VLDLR: variants seen among roughly 807,000 people sequenced by gnomAD.
The protein encoded by VLDLR is very low-density lipoprotein receptor.
Under a neutral mutation model 112.7 loss-of-function variants are expected in VLDLR, and 81 were observed. The observed-to-expected ratio is 0.72, with a 90% confidence interval of 0.60 to 0.86. The LOEUF is 0.86. Ranked by LOEUF, VLDLR falls within the 40% of genes least tolerant of loss-of-function variation. The pLI, the probability that VLDLR is intolerant of heterozygous loss-of-function variation, is 0.00. For synonymous variants in VLDLR, 436 were observed against 384.8 expected, an observed-to-expected ratio of 1.13 and a Z score of -1.56; for missense variants, 1,237 against 1,099.4, an observed-to-expected ratio of 1.13 and a Z score of -1.77.
Position 2,643,920 on chromosome 9 carries a change from G to A in VLDLR, c.1027G>A (p.Asp343Asn), listed in dbSNP as rs1272620933. 4 of 1,614,096 alleles carry A rather than the reference G, an allele frequency of 2.5e-6. No individual in the cohort carries two copies. Among genetic ancestry groups the A allele is most frequent in the East Asian group, 2.2e-5 (1 of 44,856 alleles). Residue 343 changes from aspartate to asparagine, a missense_variant, in exon 7 of 19, where the codon GAC (aspartate) becomes AAC (asparagine). Asp to Asn is a conservative substitution (Grantham distance 23, BLOSUM62 1). Coordinates refer to ENST00000382100, the MANE Select transcript of VLDLR (RefSeq NM_003383.5). The part of the protein sequence containing the change: ...DISKVCNQEQ[D>N]CRDWSDEPLK... ...CAGCAAAGTATGTAACCAGGAGCAG[G>A]ACTGCAGGGACTGGAGTGATGAGCC...
chr9:2,635,153 A>T (rs1450317710), intron 1 of VLDLR, among the ~76,000 whole-genome samples: 2 of 152,352 alleles, frequency 1.3e-5, no homozygotes, highest in Non-Finnish European at 2.9e-5. Context: ...CCTCTTAAGG[A>T]CATTTCCCAA....
rs1226139148 is a variant in VLDLR, at chr9:2,643,752, T to G, written c.943+2T>G. On this transcript the variant is annotated splice_donor_variant, in intron 6 of 18. Coordinates refer to ENST00000382100, the MANE Select transcript of VLDLR (RefSeq NM_003383.5). LOFTEE classifies it high-confidence loss of function. ...CCGATGAAGTCAACTGCAAAAATGG[T>G]AAGGGTTTCTTCTTGTTGGTTAAGC... 2 of 1,614,170 alleles carry G rather than the reference T, an allele frequency of 1.2e-6. No individual in the cohort carries two copies.
At position 2,621,809 on chromosome 9, in the gene VLDLR, G is replaced by C. The variant is rs536715395; in HGVS notation, c.-381G>C. 40 of 455,948 alleles carry C rather than the reference G, an allele frequency of 8.8e-5. No homozygotes were observed. The highest frequency in any genetic ancestry group is 8.0e-4 in the African/African-American group (37 of 46,150). The allele number at this position is 455,948 out of a possible 1,614,324, so 28.2% of individuals were successfully genotyped here. A position where few individuals can be genotyped will look rare whatever the true frequency, so the allele number is the denominator to read the frequency against. ...CTCACCCCGCTCTCCGGCCGCCGCC[G>C]GTGCGGGTGCTCCGCTACCGGCTCC... On this transcript the variant is annotated 5_prime_UTR_variant, in exon 1 of 19. Coordinates refer to ENST00000382100, the MANE Select transcript of VLDLR (RefSeq NM_003383.5).
intron 1 of VLDLR, among the ~76,000 whole-genome samples, chr9:2,627,586 C>T (rs1457888989): frequency 2.6e-5 from 4 of 151,952 alleles, no homozygotes; most frequent in South Asian, 2.1e-4. Flanking sequence ...ACAAAGAGGC[C>T]GGGCGCGGTG....
intron 1 of VLDLR, among the ~76,000 whole-genome samples, chr9:2,630,405 T>C (rs924917035): frequency 6.6e-6 from 1 of 152,042 alleles, no homozygotes. Flanking sequence ...GTAACACCCA[T>C]ATGCTCAAGC....
Position 2,654,083 on chromosome 9 carries a change from G to A in VLDLR, c.*215G>A, listed in dbSNP as rs1240891223. ...TACTTCAGCTTTGGATGTGGTTACC[G>A]AGTATCTGTAACCCTTGAATTTCTA... On this transcript the variant is annotated 3_prime_UTR_variant, in exon 19 of 19. Transcript: ENST00000382100. 1.8e-5 allele frequency: 10 copies of A among 557,402 alleles called. No individual in the cohort carries two copies. Among genetic ancestry groups the A allele is most frequent in the East Asian group, 1.3e-4 (4 of 31,450 alleles). The allele number at this position is 557,402 out of a possible 1,614,324, so 34.5% of individuals were successfully genotyped here. A position where few individuals can be genotyped will look rare whatever the true frequency, so the allele number is the denominator to read the frequency against.
chr9:2,638,674 A>T (rs1817701491), intron 2 of VLDLR, among the ~76,000 whole-genome samples: 1 of 152,168 alleles, frequency 6.6e-6, no homozygotes, highest in Non-Finnish European at 1.5e-5. Context: ...TATCTTCCAG[A>T]TATAATTAAA....
At position 2,654,427 on chromosome 9, in the gene VLDLR, C is replaced by CAAACT. The variant is rs1438442071; in HGVS notation, c.*561_*565dup. ...TGGAGGTTTGCAAAGACTGAGTGTT[C>CAAACT]AAACTACTGTACATTTTTTTTCAAG... On this transcript the variant is annotated 3_prime_UTR_variant, in exon 19 of 19. Coordinates refer to ENST00000382100, the MANE Select transcript of VLDLR (RefSeq NM_003383.5). 5.7e-5 allele frequency: 9 copies of CAAACT among 157,806 alleles called. No homozygotes were observed. The highest frequency in any genetic ancestry group is 1.9e-4 in the African/African-American group (8 of 41,406). The allele number at this position is 157,806 out of a possible 1,614,324, so 9.8% of individuals were successfully genotyped here. A position where few individuals can be genotyped will look rare whatever the true frequency, so the allele number is the denominator to read the frequency against.
chr9:2,641,050 C>T (rs1420272920), intron 3 of VLDLR, among the ~76,000 whole-genome samples: 1 of 152,108 alleles, frequency 6.6e-6, no homozygotes, highest in East Asian at 1.9e-4. Context: ...CACTTGACAT[C>T]CAACAGATAA....
rs1283718574 is a variant in VLDLR at position 2,644,716 on chromosome 9, A to G, written c.1067-18A>G. ...ATTGAAAATAAGTTGTCAAGTGACT[A>G]CTACATTTTTATTCCAGATATAAAC... is the stretch of plus-strand genomic sequence containing the variant. On this transcript the variant is annotated intron_variant, in intron 7 of 18. Transcript: ENST00000382100. 1 of 1,614,106 alleles carries G rather than the reference A, an allele frequency of 6.2e-7. No individual in the cohort carries two copies. The highest frequency in any genetic ancestry group is 1.1e-5 in the South Asian group (1 of 91,064).
At chr9:2,630,727 G>A (rs1040438735) in intron 1 of VLDLR, among the ~76,000 whole-genome samples, 3 of 152,146 alleles carry the variant, frequency 2.0e-5, no homozygotes, top group African/African-American at 7.2e-5. Context: ...ACTTCTATAT[G>A]CATTAAAAAC....
chr9:2,628,181 C>G (rs956024024), intron 1 of VLDLR, among the ~76,000 whole-genome samples: 8 of 152,202 alleles, frequency 5.3e-5, no homozygotes, highest in African/African-American at 1.9e-4. Context: ...TAGGGGATCT[C>G]TGTGTCTAAA....
chr9:2,649,204 T>C (rs777600778), intron 14 of VLDLR, among the ~76,000 whole-genome samples: 15 of 152,098 alleles, frequency 9.9e-5, no homozygotes, highest in Non-Finnish European at 2.1e-4. Context: ...AACAGAAATT[T>C]ATTGTCTCAA....
chr9:2,648,401 A>G, intron 13 of VLDLR, 54 bp downstream of exon 13: 1 of 1,612,102 alleles, frequency 6.2e-7, no homozygotes. Context: ...TATCACTTTG[A>G]GAAGAAATAA....
chr9:2,646,255 AT>A (rs747112169), intron 10 of VLDLR, 78 bp from the exon 11 acceptor site: 43 of 1,424,994 alleles, frequency 3.0e-5, no homozygotes, highest in Non-Finnish European at 4.2e-5. Context: ...GTCATTGACC[AT>A]TTTGTAAGCA....
At chr9:2,627,995 T>C (rs1373703744) in intron 1 of VLDLR, among the ~76,000 whole-genome samples, 1 of 152,158 alleles carries the variant, frequency 6.6e-6, no homozygotes, top group Non-Finnish European at 1.5e-5. Context: ...ACACTTGGTT[T>C]CAAGTTCTGA....
chr9:2,644,812 G>A lies in VLDLR; in HGVS notation c.1145G>A (p.Cys382Tyr). 2 of 1,614,228 alleles carry A rather than the reference G, an allele frequency of 1.2e-6. No homozygotes were observed. Among genetic ancestry groups the A allele is most frequent in the East Asian group, 2.2e-5 (1 of 44,888 alleles). ...CTAGTTATAGGCTACGAGTGTGACT[G>A]TGCAGCTGGGTTTGAACTGATAGAT... The part of the protein sequence containing the change: ...KDLVIGYECD[C>Y]AAGFELIDRK... The change falls in exon 8 of 19, where the codon TGT (cysteine) becomes TAT (tyrosine). Residue 382 changes from cysteine to tyrosine, a missense_variant. Physicochemically the swap from Cys to Tyr is radical, Grantham distance 194. Transcript: ENST00000382100.
At chr9:2,629,551 A>G (rs1253886129) in intron 1 of VLDLR, among the ~76,000 whole-genome samples, 2 of 152,246 alleles carry the variant, frequency 1.3e-5, no homozygotes, top group Non-Finnish European at 2.9e-5. Flanking sequence ...AAAGAGGAAT[A>G]ATAGGGCCAA....
In VLDLR at chr9:2,645,564, C is replaced by T. The variant is rs760346390; in HGVS notation, c.1313-10C>T. ...AGCAAAACTAAGTAACCCAGACTTC[C>T]ATCTTGCAGGCAAAGAGCCAAGTCT... is the stretch of plus-strand genomic sequence containing the variant. On this transcript the variant is annotated splice_polypyrimidine_tract_variant and intron_variant, in intron 9 of 18. Transcript: ENST00000382100. The T allele has an allele frequency of 1.2e-5, 19 of 1,614,094 alleles. No individual in the cohort carries two copies. The highest frequency in any genetic ancestry group is 1.5e-5 in the Non-Finnish European group (18 of 1,180,036).
Sources: allele counts gnomAD v4.1 joint callset (sites outside exome capture counted in the v4.1 genomes callset), GRCh38; gene constraint gnomAD v4.1.1; transcripts MANE v1.5; gene names NCBI Gene and HGNC (gene_info 2026-07-23, HGNC 2026-07-21).